Variants in BABAM2 observed in about 807,000 individuals in gnomAD.
BABAM2 encodes BRISC and BRCA1-A complex member 2.
BABAM2 carries 31 observed loss-of-function variants against 54.7 expected under a neutral mutation model. The ratio of observed to expected loss-of-function variants is 0.57; its 90% CI spans 0.43 to 0.77. The LOEUF (loss-of-function observed/expected upper bound fraction) is 0.77. Among genes scored for constraint, BABAM2 ranks in the 30% least tolerant of loss-of-function variants. The pLI, the probability that BABAM2 is intolerant of heterozygous loss-of-function variation, is 0.00. For missense variants in BABAM2, 364 were observed against 455.8 expected (o/e 0.80, Z 1.83); for synonymous variants, 167 against 162.9 (o/e 1.03, Z -0.19).
At chr2:27,890,206 G>C (rs758539982), upstream of BABAM2, 22 of 1,563,514 alleles carry the variant, frequency 1.4e-5, no homozygotes, top group Non-Finnish European at 5.3e-6. This position sits in a 1 kb window ranked among gnomAD's most constrained non-coding sequence, Gnocchi z 4.8. Flanking sequence ...CATAGCGCAC[G>C]GCACGCCTCC....
At chr2:28,333,178 A>G (rs762275937) in intron 11 of BABAM2, among the ~76,000 whole-genome samples, 9 of 150,786 alleles carry the variant, frequency 6.0e-5, no homozygotes, top group Non-Finnish European at 1.3e-4. Context: ...CATCTCATTC[A>G]CTCCTCACAA....
intron 2 of BABAM2, among the ~76,000 whole-genome samples, chr2:27,899,363 T>C (rs974799819): frequency 1.8e-4 from 27 of 152,204 alleles, no homozygotes; most frequent in African/African-American, 5.8e-4. Flanking sequence ...TTGTTGCTTC[T>C]TTTTCACAGA....
At position 28,322,438 on chromosome 2, in the gene BABAM2, GAGA is replaced by G. The variant is rs1690096275; in HGVS notation, c.1089-16007_1089-16005del. The stretch of plus-strand genomic sequence containing the variant: ...AGGGGACAGATTCCAGTTCGGGAGA[GAGA>G]AGAACCCTGTAACTCTTAGAGGCGC... On this transcript the variant is annotated intron_variant, in intron 11 of 11. Coordinates refer to ENST00000379624, the MANE Select transcript of BABAM2 (RefSeq NM_199191.3). This position sits in a 1 kb window ranked among gnomAD's most constrained non-coding sequence, Gnocchi z 4.1. Among the ~76,000 whole-genome samples, 1 of 152,250 alleles carries G rather than the reference GAGA, an allele frequency of 6.6e-6. No individual in the cohort carries two copies. Among genetic ancestry groups the G allele is most frequent in the African/African-American group, 2.4e-5 (1 of 41,470 alleles).
chr2:27,973,174 T>C (rs946366850), intron 3 of BABAM2, among the ~76,000 whole-genome samples: 2 of 152,100 alleles, frequency 1.3e-5, no homozygotes, highest in African/African-American at 2.4e-5. Flanking sequence ...AGAATACATA[T>C]AGGAACTGCT....
At chr2:27,972,019 T>C (rs1671259500) in intron 3 of BABAM2, among the ~76,000 whole-genome samples, 1 of 152,168 alleles carries the variant, frequency 6.6e-6, no homozygotes, top group Non-Finnish European at 1.5e-5. Flanking sequence ...GAAATAAGTA[T>C]AACAAAAATA....
At position 28,107,737 on chromosome 2, in the gene BABAM2, A is replaced by G. The variant is rs1667652335; in HGVS notation, c.571-21534A>G. Among the ~76,000 whole-genome samples the G allele has an allele frequency of 2.0e-5, 3 of 152,182 alleles. No homozygotes were observed. In the South Asian group the frequency reaches 6.2e-4, roughly 31 times the overall value. ...GCCTTTATTGTAACAATTTCAGCCTAATGAATAGTTTAGTTGTTTATTTTT... is the reference window on the plus strand; with the variant it reads ...GCCTTTATTGTAACAATTTCAGCCTGATGAATAGTTTAGTTGTTTATTTTT... On this transcript the variant is annotated intron_variant, in intron 6 of 11. Coordinates refer to ENST00000379624, the MANE Select transcript of BABAM2 (RefSeq NM_199191.3).
At chr2:27,898,092 A>AT (rs1272036078) in intron 2 of BABAM2, among the ~76,000 whole-genome samples, 1 of 152,180 alleles carries the variant, frequency 6.6e-6, no homozygotes, top group African/African-American at 2.4e-5. Context: ...ATCACTGGAT[A>AT]TTTCAGAGTA....
chr2:28,241,502 CTTTT>C, intron 9 of BABAM2, 109 bp downstream of exon 9: 1 of 812,620 alleles, frequency 1.2e-6, no homozygotes. Flanking sequence ...CACATGATAC[CTTTT>C]TTTTTTTTGA....
intron 3 of BABAM2, among the ~76,000 whole-genome samples, chr2:27,937,869 A>T (rs1261349544): frequency 2.0e-5 from 3 of 152,216 alleles, no homozygotes; most frequent in African/African-American, 4.8e-5. Context: ...TTTTCCAAAA[A>T]ATTCTTACTG....
chr2:28,001,161 T>TA (rs1653670990), intron 4 of BABAM2, among the ~76,000 whole-genome samples: 1 of 152,230 alleles, frequency 6.6e-6, no homozygotes, highest in South Asian at 2.1e-4. Flanking sequence ...TCTGTACCTA[T>TA]ATTAAGGGAA....
chr2:27,903,715 A>G (rs370683208), intron 2 of BABAM2, among the ~76,000 whole-genome samples: 124 of 152,280 alleles, frequency 8.1e-4, no homozygotes, highest in African/African-American at 2.9e-3. Context: ...TTCTGTTTCA[A>G]CTGAGCACGT....
intron 7 of BABAM2, among the ~76,000 whole-genome samples, chr2:28,153,791 T>G (rs1376435036): frequency 6.6e-6 from 1 of 152,190 alleles, no homozygotes; most frequent in Non-Finnish European, 1.5e-5. Flanking sequence ...ACACTAAACT[T>G]TAGGAATATC....
intron 10 of BABAM2, among the ~76,000 whole-genome samples, chr2:28,247,717 C>A (rs564110338): frequency 2.0e-5 from 3 of 152,190 alleles, no homozygotes; most frequent in Admixed American, 6.5e-5. Flanking sequence ...CTATTCTCCT[C>A]GGGCCCAGGA....
At position 28,304,975 on chromosome 2, in the gene BABAM2, G is replaced by A. The variant is rs1158876530; in HGVS notation, c.1088+6484G>A. On this transcript the variant is annotated intron_variant, in intron 11 of 11. Transcript: ENST00000379624. This position sits in a 1 kb window ranked among gnomAD's most constrained non-coding sequence, Gnocchi z 4.0. ...TTACAGGCATGAGCCAGCACGCCCA[G>A]CCTGCAATTTCTTACATAAACAGTC... 6.6e-6 allele frequency among the ~76,000 whole-genome samples: 1 copy of A among 152,202 alleles called. No individual in the cohort carries two copies. Among genetic ancestry groups the A allele is most frequent in the Non-Finnish European group, 1.5e-5 (1 of 68,036 alleles).
At chr2:27,959,596 T>A (rs892025727) in intron 3 of BABAM2, among the ~76,000 whole-genome samples, 1 of 152,132 alleles carries the variant, frequency 6.6e-6, no homozygotes, top group African/African-American at 2.4e-5. Flanking sequence ...ACTTCTGAGA[T>A]GTTGTGACTT....
intron 2 of BABAM2, among the ~76,000 whole-genome samples, chr2:27,902,700 T>G (rs1018392206): frequency 1.3e-5 from 2 of 152,222 alleles, no homozygotes; most frequent in Admixed American, 6.5e-5. Flanking sequence ...TGTATATTTC[T>G]ATAGATTTTA....
chr2:28,126,046 G>A (rs1456911359), intron 6 of BABAM2, among the ~76,000 whole-genome samples: 2 of 152,142 alleles, frequency 1.3e-5, no homozygotes, highest in Non-Finnish European at 2.9e-5. Context: ...AAGTGGGGGT[G>A]AGAGAGGGGT....
chr2:28,074,766 C>T (rs1192342795), intron 6 of BABAM2, among the ~76,000 whole-genome samples: 1 of 152,044 alleles, frequency 6.6e-6, no homozygotes, highest in African/African-American at 2.4e-5. Flanking sequence ...GCCAAGCTGA[C>T]CAGGACCAGT....
chr2:28,050,378 C>T (rs991389233), intron 6 of BABAM2, among the ~76,000 whole-genome samples: 1 of 152,090 alleles, frequency 6.6e-6, no homozygotes, highest in Non-Finnish European at 1.5e-5. Flanking sequence ...CTTCACTTTC[C>T]TTGATTTATA....
Sources: allele counts gnomAD v4.1 joint callset (sites outside exome capture counted in the v4.1 genomes callset), GRCh38; gene constraint gnomAD v4.1.1; non-coding constraint Gnocchi (gnomAD v3.1); transcripts MANE v1.5; gene names NCBI Gene and HGNC (gene_info 2026-07-23, HGNC 2026-07-21).